MAP7: variants seen among roughly 807,000 people sequenced by gnomAD.
MAP7 encodes the protein microtubule associated protein 7.
A neutral mutation model predicts 94.8 loss-of-function variants in MAP7; 52 were observed. That is an observed-to-expected ratio of 0.55 (90% CI 0.44 to 0.69). The LOEUF (loss-of-function observed/expected upper bound fraction) is 0.69. Among genes scored for constraint, MAP7 ranks in the 30% least tolerant of loss-of-function variants. The pLI is 0.00. For synonymous variants in MAP7, 350 were observed against 357.0 expected (o/e 0.98, Z 0.22); for missense variants, 940 against 964.6 (o/e 0.97, Z 0.34).
At position 136,388,530 on chromosome 6, in the gene MAP7, C is replaced by G; in HGVS notation, c.409-20G>C. Reference sequence around the variant, plus strand: ...GCGTTCCTTAGATGGAATAGAAGAGCTGAGGATTAGATTCCAGCTGGTTGT... The same window carrying G: ...GCGTTCCTTAGATGGAATAGAAGAGGTGAGGATTAGATTCCAGCTGGTTGT... On this transcript the variant is annotated intron_variant, in intron 4 of 17. Coordinates refer to ENST00000354570, the MANE Select transcript of MAP7 (RefSeq NM_003980.6). 6.3e-7 allele frequency: 1 copy of G among 1,591,440 alleles called. No homozygotes were observed. Among genetic ancestry groups the G allele is most frequent in the South Asian group, 1.1e-5 (1 of 90,466 alleles).
intron 16 of MAP7, among the ~76,000 whole-genome samples, chr6:136,354,636 T>A (rs1790357063): frequency 1.3e-5 from 2 of 151,774 alleles, no homozygotes; most frequent in African/African-American, 4.8e-5. Context: ...TATGCTTATG[T>A]TTCTTCTAAT....
chr6:136,489,393 CT>C (rs1352670510), intron 1 of MAP7, among the ~76,000 whole-genome samples: 1 of 152,014 alleles, frequency 6.6e-6, no homozygotes, highest in Non-Finnish European at 1.5e-5. Context: ...TTAATGATTC[CT>C]TTTTTTCTTT....
At chr6:136,435,821 A>C (rs1160426247) in intron 1 of MAP7, among the ~76,000 whole-genome samples, 1 of 152,230 alleles carries the variant, frequency 6.6e-6, no homozygotes, top group Non-Finnish European at 1.5e-5. Flanking sequence ...GAATCTGAGC[A>C]ATTTGAAGGT....
chr6:136,489,526 C>CTTTT (rs1164047042), intron 1 of MAP7, among the ~76,000 whole-genome samples: 112 of 102,940 alleles, frequency 1.1e-3, no homozygotes, highest in Non-Finnish European at 1.4e-3. Context: ...CATCAGGTTT[C>CTTTT]TTTTTTTTTT....
chr6:136,421,576 C>G (rs1791370111), intron 2 of MAP7, 125 bp downstream of exon 2: 1 of 786,150 alleles, frequency 1.3e-6, no homozygotes, highest in Non-Finnish European at 2.0e-6. Context: ...TGAAACCAAG[C>G]TCTCCTAAAT....
chr6:136,523,449 C>T (rs1212463958), intron 1 of MAP7, among the ~76,000 whole-genome samples: 1 of 152,204 alleles, frequency 6.6e-6, no homozygotes. Flanking sequence ...GCAGCTGTGG[C>T]TATTGTATTG....
intron 1 of MAP7, among the ~76,000 whole-genome samples, chr6:136,496,427 T>C (rs114239092): frequency 3.9e-4 from 60 of 152,288 alleles, no homozygotes; most frequent in African/African-American, 1.4e-3. Context: ...GGGGAAAAAG[T>C]GTAAACATTT....
chr6:136,394,971 T>TATATATATATATATATAA (rs56352511), intron 3 of MAP7, among the ~76,000 whole-genome samples: 2 of 128,634 alleles, frequency 1.6e-5, no homozygotes, highest in South Asian at 2.5e-4. Flanking sequence ...TATATATATA[T>TATATATATATATATATAA]CACATTTTCC....
At chr6:136,390,984 T>A (rs957105023) in intron 3 of MAP7, among the ~76,000 whole-genome samples, 33 of 152,204 alleles carry the variant, frequency 2.2e-4, no homozygotes, top group Non-Finnish European at 4.7e-4. Context: ...AGCTTTCTTT[T>A]GCTTAAAATG....
chr6:136,424,838 C>A (rs1191315956), intron 1 of MAP7, among the ~76,000 whole-genome samples: 1 of 152,216 alleles, frequency 6.6e-6, no homozygotes, highest in Non-Finnish European at 1.5e-5. Flanking sequence ...TTAAATCTCA[C>A]TGAATAATAT....
intron 8 of MAP7, 37 bp downstream of exon 8, chr6:136,372,464 T>G: frequency 6.2e-7 from 1 of 1,612,206 alleles, no homozygotes; most frequent in Non-Finnish European, 8.5e-7. Flanking sequence ...CAGCACTGGC[T>G]CCCAGACTTG....
chr6:136,426,044 A>G (rs1242820056), intron 1 of MAP7, among the ~76,000 whole-genome samples: 1 of 152,124 alleles, frequency 6.6e-6, no homozygotes, highest in East Asian at 1.9e-4. Context: ...GATTCCTCCA[A>G]TACTATCTCC....
intron 8 of MAP7, among the ~76,000 whole-genome samples, chr6:136,371,442 T>A (rs1018824189): frequency 5.9e-5 from 9 of 152,142 alleles, no homozygotes; most frequent in African/African-American, 2.2e-4. Context: ...GCTTAGAGGG[T>A]TGGAGGCCTG....
intron 3 of MAP7, among the ~76,000 whole-genome samples, chr6:136,402,283 C>T (rs1318947390): frequency 6.6e-6 from 1 of 152,222 alleles, no homozygotes; most frequent in South Asian, 2.1e-4. Flanking sequence ...AATGTCTAGT[C>T]TAGCAGATGG....
intron 1 of MAP7, among the ~76,000 whole-genome samples, chr6:136,521,638 T>A (rs556876598): frequency 2.0e-5 from 3 of 152,334 alleles, no homozygotes; most frequent in Admixed American, 6.5e-5. Flanking sequence ...TATTGTGTAA[T>A]AGTCATGAAG....
At position 136,543,861 on chromosome 6, in the gene MAP7, T is replaced by C. The variant is rs545896449; in HGVS notation, c.67+6481A>G. ...ATAATGTTAACGGTGGTGCTTACAT[T>C]ACCTATACAGTCAACAAAACTAAAA... On this transcript the variant is annotated intron_variant, in intron 1 of 17. Transcript: ENST00000354570. 2.6e-5 allele frequency among the ~76,000 whole-genome samples: 4 copies of C among 152,128 alleles called. No homozygotes were observed. In the East Asian group the frequency reaches 7.8e-4, roughly 30 times the overall value.
At chr6:136,482,876 T>C (rs1054382863) in intron 1 of MAP7, among the ~76,000 whole-genome samples, 4 of 152,078 alleles carry the variant, frequency 2.6e-5, no homozygotes, top group Admixed American at 1.3e-4. Context: ...CTCCAGAACT[T>C]GGTCAACTAA....
In MAP7 at chr6:136,457,754, C is replaced by A. The variant is rs555001664; in HGVS notation, c.68-35955G>T. Among the ~76,000 whole-genome samples, 4 of 152,100 alleles carry A rather than the reference C, an allele frequency of 2.6e-5. No individual in the cohort carries two copies. The South Asian group carries it at 6.2e-4, about 24-fold the overall frequency. ...AAAAGAAATTGACAAAATTTGATAT[C>A]CTTTCATGACAAAAGCTCTCAATGA... On this transcript the variant is annotated intron_variant, in intron 1 of 17. Coordinates refer to ENST00000354570, the MANE Select transcript of MAP7 (RefSeq NM_003980.6).
intron 1 of MAP7, among the ~76,000 whole-genome samples, chr6:136,532,029 C>G (rs1828510565): frequency 6.6e-6 from 1 of 152,124 alleles, no homozygotes; most frequent in African/African-American, 2.4e-5. Context: ...AGGCTATATT[C>G]TTATCCATTC....
Sources: gnomAD v4.1 joint callset for allele counts (sites outside exome capture counted in the v4.1 genomes callset) on GRCh38, gnomAD v4.1.1 for gene constraint, MANE v1.5 for transcripts, NCBI Gene and HGNC (gene_info 2026-07-23, HGNC 2026-07-21) for gene names.